HYLS1: variants seen among roughly 807,000 people sequenced by gnomAD.
HYLS1 encodes the protein centriolar and ciliogenesis-associated protein HYLS1.
Under a neutral mutation model 29.4 loss-of-function variants are expected in HYLS1, and 25 were observed. The observed-to-expected ratio is 0.85, with a 90% CI of 0.62 to 1.19. The LOEUF (loss-of-function observed/expected upper bound fraction) is 1.19, where lower values mean the gene tolerates loss of function less well. Among genes scored for constraint, HYLS1 ranks in the 50% most tolerant of loss-of-function variants. The probability of loss-of-function intolerance (pLI) is 0.00; values close to 1 mark genes in which losing one functional copy is unlikely to be tolerated. For missense variants in HYLS1, 352 were observed against 365.1 expected (o/e 0.96, Z 0.29); for synonymous variants, 128 against 126.7 (o/e 1.01, Z -0.07).
intron 1 of HYLS1, among the ~76,000 whole-genome samples, chr11:125,890,076 T>A (rs1480803943): frequency 6.6e-6 from 1 of 152,134 alleles, no homozygotes; most frequent in African/African-American, 2.4e-5. Flanking sequence ...GTACTGAGAC[T>A]ACAGGTTTAT....
intron 2 of HYLS1, chr11:125,895,479 A>G: frequency 6.2e-7 from 1 of 1,614,082 alleles, no homozygotes; most frequent in East Asian, 2.2e-5. Context: ...ACCGTTGGCT[A>G]CATCCATTTT....
chr11:125,884,392 A>G (rs1944273319), upstream of HYLS1, among the ~76,000 whole-genome samples: 1 of 151,908 alleles, frequency 6.6e-6, no homozygotes. Flanking sequence ...GGCGGGTCAC[A>G]AGGTCAGGAG....
intron 2 of HYLS1, among the ~76,000 whole-genome samples, chr11:125,897,364 C>G (rs1173101998): frequency 6.6e-6 from 1 of 151,500 alleles, no homozygotes; most frequent in African/African-American, 2.4e-5. Context: ...GTCTAGAAAC[C>G]CAGACACTAG....
upstream of HYLS1, among the ~76,000 whole-genome samples, chr11:125,884,904 A>G (rs896773861): frequency 3.3e-5 from 5 of 152,158 alleles, no homozygotes; most frequent in Non-Finnish European, 7.3e-5. Context: ...ATTTTTCTCT[A>G]TATACTGTAT....
At chr11:125,899,144 T>C (rs1402106331) in intron 2 of HYLS1, 200 bp from the exon 3 acceptor site, 1 of 538,494 alleles carries the variant, frequency 1.9e-6, no homozygotes, top group Non-Finnish European at 3.3e-6. Context: ...GGAGTAAGAG[T>C]GGAAATGAAA....
intron 2 of HYLS1, 123 bp downstream of exon 2, chr11:125,891,595 T>G (rs1402355981): frequency 1.3e-5 from 2 of 151,678 alleles, no homozygotes; most frequent in Admixed American, 6.6e-5. Context: ...GCCAAAGTAA[T>G]TATATTTTAA....
At chr11:125,889,222 G>T (rs1236867681) in intron 1 of HYLS1, among the ~76,000 whole-genome samples, 1 of 152,154 alleles carries the variant, frequency 6.6e-6, no homozygotes, top group Non-Finnish European at 1.5e-5. Flanking sequence ...TGGATGCGTG[G>T]CGTTTGTTGC....
At chr11:125,884,562 T>C (rs942916456), upstream of HYLS1, among the ~76,000 whole-genome samples, 2 of 152,232 alleles carry the variant, frequency 1.3e-5, no homozygotes, top group Non-Finnish European at 2.9e-5. Flanking sequence ...TGAGCTGAGA[T>C]AGCGCCACTG....
intron 2 of HYLS1, chr11:125,895,133 G>T: frequency 2.0e-6 from 2 of 1,014,262 alleles, no homozygotes; most frequent in Non-Finnish European, 2.8e-6. Flanking sequence ...TGCAACCTCC[G>T]CCTCCTGGCT....
chr11:125,886,768 G>C (rs975242370), upstream of HYLS1, among the ~76,000 whole-genome samples: 5 of 151,468 alleles, frequency 3.3e-5, no homozygotes, highest in South Asian at 6.3e-4. Flanking sequence ...AAAATTAGCC[G>C]GGCATGGTGG....
rs118000205 is a variant in HYLS1, at chr11:125,890,522, C to T, written c.-75-901C>T. Among the ~76,000 whole-genome samples, 1,307 of 152,316 alleles carry T rather than the reference C, an allele frequency of 8.6e-3. 66 individuals are homozygous for T. The highest frequency in any genetic ancestry group is 0.075 in the Admixed American group (1,142 of 15,298). ...ATTTGTTATAACTCTGCAATAGCCT[C>T]CCTATAGCAGTCTACTGACCCAGTC... On this transcript the variant is annotated intron_variant, in intron 1 of 2. Transcript: ENST00000425380.
At chr11:125,898,894 C>T (rs916982553) in intron 2 of HYLS1, among the ~76,000 whole-genome samples, 2 of 152,062 alleles carry the variant, frequency 1.3e-5, no homozygotes, top group African/African-American at 4.8e-5. Flanking sequence ...AGTTATTTAA[C>T]TTCCCTGTGC....
chr11:125,890,129 T>TG (rs1565449139), intron 1 of HYLS1, among the ~76,000 whole-genome samples: 2 of 151,942 alleles, frequency 1.3e-5, no homozygotes, highest in Non-Finnish European at 2.9e-5. Context: ...TTTTGAGAGA[T>TG]GGGGGTCTTG....
intron 1 of HYLS1, among the ~76,000 whole-genome samples, chr11:125,889,198 A>G (rs1944365901): frequency 6.6e-6 from 1 of 152,178 alleles, no homozygotes; most frequent in Non-Finnish European, 1.5e-5. Context: ...GTCGATACGC[A>G]TTACCATTTT....
chr11:125,892,617 T>C lies in HYLS1; in HGVS notation c.-26+1145T>C, dbSNP rs201776607. On this transcript the variant is annotated intron_variant, in intron 2 of 2. Transcript: ENST00000425380. ...CATATTTATTCACTGAGTCCTGTTGTTTCTACTTTCTTAATCTTAAATTCA... is the reference window on the plus strand; with the variant it reads ...CATATTTATTCACTGAGTCCTGTTGCTTCTACTTTCTTAATCTTAAATTCA... Among the ~76,000 whole-genome samples the C allele has an allele frequency of 3.9e-5, 6 of 152,182 alleles. No individual in the cohort carries two copies. The South Asian group carries it at 1.2e-3, about 31-fold the overall frequency.
chr11:125,898,592 G>T (rs79711545), intron 2 of HYLS1, among the ~76,000 whole-genome samples: 2 of 151,914 alleles, frequency 1.3e-5, no homozygotes, highest in African/African-American at 4.8e-5. Flanking sequence ...CAGGATAATC[G>T]CTTGAACCCA....
At position 125,893,661 on chromosome 11, in the gene HYLS1, C is replaced by CT. The variant is rs199640542; in HGVS notation, c.-26+2199dup. 5,497 of 655,964 alleles carry CT rather than the reference C, an allele frequency of 8.4e-3. 1 individual carries two copies. The highest frequency in any genetic ancestry group is 0.01 in the African/African-American group (378 of 36,168). 40.6% of individuals were successfully genotyped at this position (655,964 alleles called of 1,614,324 possible). A position where few individuals can be genotyped will look rare whatever the true frequency, so the allele number is the denominator to read the frequency against. On this transcript the variant is annotated intron_variant, in intron 2 of 2. Transcript: ENST00000425380. ...CCTTAATAGGGCTTTAGTCTTTTTG[C>CT]TTTTTTTTTTCTTTTAAGAGCTGAT...
At chr11:125,884,635 T>C (rs984867265), upstream of HYLS1, among the ~76,000 whole-genome samples, 8 of 152,112 alleles carry the variant, frequency 5.3e-5, no homozygotes, top group Non-Finnish European at 1.0e-4. Flanking sequence ...ACAAAAATAG[T>C]ATTATGTTAT....
intron 2 of HYLS1, chr11:125,894,270 GA>G: frequency 6.2e-7 from 1 of 1,607,778 alleles, no homozygotes; most frequent in Non-Finnish European, 8.5e-7. Flanking sequence ...AAGACTAGAG[GA>G]AATTCTACAG....
Sources: allele counts gnomAD v4.1 joint callset (sites outside exome capture counted in the v4.1 genomes callset), GRCh38; gene constraint gnomAD v4.1.1; transcripts MANE v1.5; gene names NCBI Gene and HGNC (gene_info 2026-07-23, HGNC 2026-07-21).